The following SLC9C1 variants were observed in gnomAD, a reference collection of about 807,000 sequenced individuals.
SLC9C1 encodes solute carrier family 9 member C1, also known as sodium/hydrogen exchanger 10.
In SLC9C1, 97 loss-of-function variants were observed where a neutral mutation model predicts 140.9. The observed-to-expected ratio is 0.69, with a 90% CI of 0.58 to 0.82. The LOEUF (loss-of-function observed/expected upper bound fraction) is 0.82. SLC9C1 is among the 40% of genes least tolerant of loss of function. The pLI is 0.00. For synonymous variants in SLC9C1, 440 were observed against 442.6 expected, an observed-to-expected ratio of 0.99 and a Z score of 0.07; for missense variants, 1,340 against 1,389.3, an observed-to-expected ratio of 0.96 and a Z score of 0.56.
intron 18 of SLC9C1, among the ~76,000 whole-genome samples, chr3:112,200,998 A>G (rs1314475491): frequency 6.6e-6 from 1 of 152,102 alleles, no homozygotes; most frequent in Non-Finnish European, 1.5e-5. Flanking sequence ...AAGGTGAGTC[A>G]TGATTCTGAA....
intron 15 of SLC9C1, among the ~76,000 whole-genome samples, chr3:112,215,609 C>A (rs1231285439): frequency 1.3e-5 from 2 of 152,036 alleles, no homozygotes; most frequent in Non-Finnish European, 2.9e-5. Flanking sequence ...TTCACAATTG[C>A]TTCAAAGAGA....
intron 18 of SLC9C1, among the ~76,000 whole-genome samples, chr3:112,201,105 T>C (rs995703569): frequency 6.6e-6 from 1 of 152,080 alleles, no homozygotes; most frequent in Non-Finnish European, 1.5e-5. Flanking sequence ...AAATTTAAGA[T>C]ACAAACATTA....
intron 20 of SLC9C1, chr3:112,185,894 A>G: frequency 6.3e-7 from 1 of 1,584,704 alleles, no homozygotes; most frequent in Non-Finnish European, 8.5e-7. Flanking sequence ...GGGGGCTCTC[A>G]GCCACCACCA....
intron 15 of SLC9C1, among the ~76,000 whole-genome samples, chr3:112,216,445 G>C (rs1218809618): frequency 6.6e-6 from 1 of 151,918 alleles, no homozygotes. Flanking sequence ...GAAAATTTTT[G>C]CAATATACCC....
chr3:112,154,887 A>T lies in SLC9C1; in HGVS notation c.3417+110T>A, dbSNP rs575258490. ...GTTTTACACCAAAATCTACAAAATG[A>T]CTAGCAGATGAACTTTTTCAGAATA... On this transcript the variant is annotated intron_variant, in intron 27 of 28. Transcript: ENST00000305815. 4 of 977,666 alleles carry T rather than the reference A, an allele frequency of 4.1e-6. No homozygotes were observed. In the South Asian group the frequency reaches 6.4e-5, roughly 16 times the overall value. The allele number at this position is 977,666 out of a possible 1,614,324, so 60.6% of individuals were successfully genotyped here. A position where few individuals can be genotyped will look rare whatever the true frequency, so the allele number is the denominator to read the frequency against.
intron 7 of SLC9C1, 119 bp downstream of exon 7, chr3:112,269,797 A>T (rs1163578212): frequency 4.1e-6 from 3 of 726,934 alleles, no homozygotes; most frequent in Non-Finnish European, 5.9e-6. Flanking sequence ...TTTAATAAAA[A>T]TATTCTGTCT....
At chr3:112,234,658 G>A (rs1027557435) in intron 12 of SLC9C1, among the ~76,000 whole-genome samples, 1 of 152,202 alleles carries the variant, frequency 6.6e-6, no homozygotes, top group African/African-American at 2.4e-5. Flanking sequence ...TTTTGTGTAA[G>A]GCATAAGGAA....
At chr3:112,149,353 G>C (rs1300634060) in intron 28 of SLC9C1, among the ~76,000 whole-genome samples, 1 of 151,368 alleles carries the variant, frequency 6.6e-6, no homozygotes, top group Non-Finnish European at 1.5e-5. Context: ...AGCAGAGAGA[G>C]AGTTCCCACA....
At chr3:112,149,831 G>A (rs1419563884) in intron 28 of SLC9C1, among the ~76,000 whole-genome samples, 1 of 152,084 alleles carries the variant, frequency 6.6e-6, no homozygotes, top group Non-Finnish European at 1.5e-5. Context: ...CTGTGTCCAG[G>A]AAGGGTGGGA....
chr3:112,177,441 T>TAA (rs2077361040), intron 23 of SLC9C1, among the ~76,000 whole-genome samples: 1 of 151,760 alleles, frequency 6.6e-6, no homozygotes, highest in Admixed American at 6.6e-5. Flanking sequence ...TCTTTCTCCG[T>TAA]GTAAGACTTT....
intron 23 of SLC9C1, 134 bp downstream of exon 23, chr3:112,179,397 G>A (rs1386544834): frequency 5.0e-6 from 5 of 1,000,174 alleles, no homozygotes; most frequent in Non-Finnish European, 7.0e-6. Flanking sequence ...GGCAAGTTTT[G>A]TTCCTTTATA....
At position 112,208,226 on chromosome 3, in the gene SLC9C1, G is replaced by T; in HGVS notation, c.1938C>A (p.His646Gln). ...LNVIYHSELK[H>Q]TNYCFLTLYI... is the part of the protein sequence containing the mutation. ...AAAGTGTAAGAAAACAGTAGTTAGTGTGTTTTAATTCGCTGTGGTAGATTA... is the reference window on the plus strand; with the variant it reads ...AAAGTGTAAGAAAACAGTAGTTAGTTTGTTTTAATTCGCTGTGGTAGATTA... The change falls in exon 16 of 29, where the codon CAC becomes CAA. Residue 646 changes from histidine (H) to glutamine (Q), a missense_variant. Physicochemically the swap from His to Gln is conservative, Grantham distance 24. Transcript: ENST00000305815. 6.2e-7 allele frequency: 1 copy of T among 1,610,612 alleles called. No individual in the cohort carries two copies. The highest frequency in any genetic ancestry group is 8.5e-7 in the Non-Finnish European group (1 of 1,178,676).
chr3:112,273,271 G>A (rs1369580186), intron 6 of SLC9C1, among the ~76,000 whole-genome samples: 1 of 151,942 alleles, frequency 6.6e-6, no homozygotes, highest in Non-Finnish European at 1.5e-5. Flanking sequence ...GCCATATTGT[G>A]TCACCTCCCT....
intron 13 of SLC9C1, among the ~76,000 whole-genome samples, chr3:112,224,426 T>C (rs1290232516): frequency 6.6e-6 from 1 of 151,788 alleles, no homozygotes; most frequent in African/African-American, 2.4e-5. Context: ...CAATAAAATA[T>C]CTCACTGTTA....
At chr3:112,200,657 C>T in intron 19 of SLC9C1, 54 bp downstream of exon 19, 2 of 1,520,646 alleles carry the variant, frequency 1.3e-6, no homozygotes, top group East Asian at 2.3e-5. Context: ...CATTGCCTTT[C>T]TGAAGTGGTG....
chr3:112,173,858 C>A (rs962756852), intron 23 of SLC9C1, among the ~76,000 whole-genome samples: 16 of 152,170 alleles, frequency 1.1e-4, no homozygotes, highest in African/African-American at 3.6e-4. Flanking sequence ...AAATTGCCAA[C>A]GTTCTTTCCA....
rs112771429 is a variant in SLC9C1, at chr3:112,280,613, T to G, written c.189+70A>C. ...GAGGGGATGAATAACTTTTGCAAAT[T>G]TTAAATGCCATCTCTGCATTTATAT... On this transcript the variant is annotated intron_variant, in intron 3 of 28. Transcript: ENST00000305815. 5.4e-4 allele frequency: 762 copies of G among 1,400,558 alleles called. 3 individuals are homozygous for G. The African/African-American group carries it at 7.9e-3, about 15-fold the overall frequency. The allele number at this position is 1,400,558 out of a possible 1,614,324, so 86.8% of individuals were successfully genotyped here.
At chr3:112,208,515 C>T in intron 15 of SLC9C1, 142 bp from the exon 16 acceptor site, 1 of 471,124 alleles carries the variant, frequency 2.1e-6, no homozygotes, top group African/African-American at 2.0e-5. Flanking sequence ...CTAACACGTT[C>T]TGGCATCCCA....
Position 112,277,798 on chromosome 3 carries a change from T to A in SLC9C1, c.381A>T (p.Ala127=), listed in dbSNP as rs768058570. The change falls in exon 5 of 29, where the codon GCA becomes GCT. Residue 127 remains alanine (A), a synonymous_variant. Coordinates refer to ENST00000305815, the MANE Select transcript of SLC9C1 (RefSeq NM_183061.3). ...VNYILVLWHL[A]SVNQLLLKPT... is the part of the protein sequence containing the mutation. ...GCTTCAAAAGTAATTGATTTACAGA[T>A]GCCAGATGCCAAAGAACTAAGATAT... The A allele has an allele frequency of 6.2e-7, 1 of 1,612,538 alleles. No homozygotes were observed. The highest frequency in any genetic ancestry group is 1.1e-5 in the South Asian group (1 of 90,802).
Sources: gnomAD v4.1 joint callset for allele counts (sites outside exome capture counted in the v4.1 genomes callset) on GRCh38, gnomAD v4.1.1 for gene constraint, MANE v1.5 for transcripts, NCBI Gene and HGNC (gene_info 2026-07-23, HGNC 2026-07-21) for gene names.